The following LRBA variants were observed in gnomAD, a reference collection of about 807,000 sequenced individuals.
The protein encoded by LRBA is lipopolysaccharide-responsive and beige-like anchor protein.
LRBA carries 176 observed loss-of-function variants against 330.0 expected under a neutral mutation model. The observed-to-expected ratio is 0.53, with a 90% CI of 0.47 to 0.60. The LOEUF is 0.60. Among genes scored for constraint, LRBA ranks in the 20% least tolerant of loss-of-function variants. The pLI is 0.00. For missense variants in LRBA, 3,259 were observed against 3,444.8 expected (o/e 0.95, Z 1.35); for synonymous variants, 1,230 against 1,193.0 (o/e 1.03, Z -0.64).
intron 44 of LRBA, among the ~76,000 whole-genome samples, chr4:150,457,636 C>A (rs1009872264): frequency 3.3e-5 from 5 of 151,518 alleles, no homozygotes; most frequent in Non-Finnish European, 7.4e-5. Flanking sequence ...TTTTAAATGT[C>A]CTTCTACTAA....
At chr4:150,601,534 A>T (rs1774108379) in intron 37 of LRBA, among the ~76,000 whole-genome samples, 1 of 151,678 alleles carries the variant, frequency 6.6e-6, no homozygotes. Flanking sequence ...CCTTGACACT[A>T]AAAAAAATGG....
At chr4:150,666,701 G>A (rs1454917384) in intron 37 of LRBA, among the ~76,000 whole-genome samples, 1 of 151,984 alleles carries the variant, frequency 6.6e-6, no homozygotes, top group African/African-American at 2.4e-5. Context: ...TATTCATGCG[G>A]GCCCTGCAAC....
intron 40 of LRBA, among the ~76,000 whole-genome samples, chr4:150,498,746 C>T (rs931309506): frequency 6.6e-6 from 1 of 151,884 alleles, no homozygotes; most frequent in Non-Finnish European, 1.5e-5. Flanking sequence ...TCATTGTGAA[C>T]GAGGCATAAA....
intron 38 of LRBA, among the ~76,000 whole-genome samples, chr4:150,594,144 G>T (rs1773211537): frequency 6.6e-6 from 1 of 151,980 alleles, no homozygotes; most frequent in South Asian, 2.1e-4. Context: ...AAAACCTCTT[G>T]TCATGGAAAA....
chr4:150,486,415 CAT>C (rs1757875130), intron 42 of LRBA, among the ~76,000 whole-genome samples: 1 of 151,454 alleles, frequency 6.6e-6, no homozygotes, highest in Non-Finnish European at 1.5e-5. Flanking sequence ...ATAAATAAGA[CAT>C]TGGTCATAAA....
chr4:151,008,988 A>AAAAAAAAAAAAATATAT (rs1554018903), intron 2 of LRBA, among the ~76,000 whole-genome samples: 1 of 5,534 alleles, frequency 1.8e-4, no homozygotes, highest in African/African-American at 4.6e-4. Flanking sequence ...AAAAAAAAAA[A>AAAAAAAAAAAAATATAT]ATATATATAT....
intron 2 of LRBA, among the ~76,000 whole-genome samples, chr4:150,971,369 A>C (rs1457686238): frequency 6.6e-6 from 1 of 152,180 alleles, no homozygotes; most frequent in Non-Finnish European, 1.5e-5. Flanking sequence ...TTTTAGCTAT[A>C]AGGTCATCAT....
At chr4:150,933,975 G>T (rs959969997) in intron 2 of LRBA, among the ~76,000 whole-genome samples, 3 of 151,764 alleles carry the variant, frequency 2.0e-5, no homozygotes, top group Non-Finnish European at 2.9e-5. Flanking sequence ...AGCAGCCCAA[G>T]ATTGTGCCAC....
chr4:150,656,904 C>G (rs1278832036), intron 37 of LRBA, among the ~76,000 whole-genome samples: 8 of 152,106 alleles, frequency 5.3e-5, no homozygotes, highest in Admixed American at 5.2e-4. Flanking sequence ...CAGTATCTGC[C>G]TTAAGAAGCT....
At chr4:150,273,302 C>T (rs1481377600) in intron 56 of LRBA, among the ~76,000 whole-genome samples, 2 of 152,156 alleles carry the variant, frequency 1.3e-5, no homozygotes, top group Admixed American at 6.5e-5. Flanking sequence ...ACAAGAGCTC[C>T]TGAAGGAAGC....
At chr4:150,497,791 C>CA (rs1263900724) in intron 40 of LRBA, among the ~76,000 whole-genome samples, 1 of 152,144 alleles carries the variant, frequency 6.6e-6, no homozygotes, top group Non-Finnish European at 1.5e-5. Context: ...AGCCTACAAA[C>CA]ACACACACTC....
chr4:150,856,316 T>C (rs1197979679), intron 22 of LRBA, among the ~76,000 whole-genome samples: 1 of 152,184 alleles, frequency 6.6e-6, no homozygotes, highest in African/African-American at 2.4e-5. Flanking sequence ...ACTACATAGC[T>C]GCTATTGGGA....
chr4:150,509,213 T>C (rs1361841525), intron 40 of LRBA, among the ~76,000 whole-genome samples: 10 of 152,168 alleles, frequency 6.6e-5, no homozygotes, highest in Non-Finnish European at 1.3e-4. Context: ...ATATATACCA[T>C]TATTATTTTT....
intron 2 of LRBA, among the ~76,000 whole-genome samples, chr4:150,960,421 T>G (rs1738019333): frequency 2.7e-5 from 4 of 149,108 alleles, no homozygotes. Flanking sequence ...ATGCTAAATG[T>G]CAAAAGGTCC....
intron 14 of LRBA, among the ~76,000 whole-genome samples, chr4:150,899,345 AG>A (rs1177374597): frequency 6.6e-6 from 1 of 152,182 alleles, no homozygotes; most frequent in Non-Finnish European, 1.5e-5. Flanking sequence ...CCAACACAGA[AG>A]AATTGGCAAG....
intron 1 of LRBA, 96 bp from the exon 2 acceptor site, chr4:151,014,957 A>C (rs1745260859): frequency 4.0e-6 from 1 of 249,802 alleles, no homozygotes; most frequent in Non-Finnish European, 7.7e-6. Flanking sequence ...CAAGTAAGTT[A>C]CTAAAGGCAC....
At chr4:150,885,352 C>T (rs998870300) in intron 17 of LRBA, among the ~76,000 whole-genome samples, 22 of 152,150 alleles carry the variant, frequency 1.4e-4, no homozygotes, top group African/African-American at 5.1e-4. Flanking sequence ...AGGCCGGGCA[C>T]AGTGGCTCAT....
At position 150,785,536 on chromosome 4, in the gene LRBA, G is replaced by A. The variant is rs541856862; in HGVS notation, c.5580+12545C>T. On this transcript the variant is annotated intron_variant, in intron 34 of 56. Coordinates refer to ENST00000651943, the MANE Select transcript of LRBA (RefSeq NM_001364905.1). ...CCTTGTCAAGGCTAGTTTGGCCTAC[G>A]CCTAGGAATGAACAAGGACAGCTTG... Among the ~76,000 whole-genome samples, 13 of 152,264 alleles carry A rather than the reference G, an allele frequency of 8.5e-5. No individual in the cohort carries two copies. In the South Asian group the frequency reaches 1.2e-3, roughly 15 times the overall value.
At chr4:150,743,579 G>C (rs1732303375) in intron 35 of LRBA, among the ~76,000 whole-genome samples, 1 of 152,190 alleles carries the variant, frequency 6.6e-6, no homozygotes, top group Non-Finnish European at 1.5e-5. Flanking sequence ...ATTAAGGCCT[G>C]TGTGCCAAAT....
Sources: allele counts gnomAD v4.1 joint callset (sites outside exome capture counted in the v4.1 genomes callset), GRCh38; gene constraint gnomAD v4.1.1; transcripts MANE v1.5; gene names NCBI Gene and HGNC (gene_info 2026-07-23, HGNC 2026-07-21).